MAP3K15: variants seen among roughly 807,000 people sequenced by gnomAD.
The protein encoded by MAP3K15 is MAPK/ERK kinase kinase 15.
Under a neutral mutation model 99.5 loss-of-function variants are expected in MAP3K15, and 124 were observed. The observed-to-expected ratio is 1.25, with a 90% CI of 1.08 to 1.45. The LOEUF is 1.45. Ranked by LOEUF, MAP3K15 falls within the 40% of genes most tolerant of loss-of-function variation. The pLI is 0.00. For missense variants in MAP3K15, 1,242 were observed against 1,079.7 expected (o/e 1.15, Z -2.11); for synonymous variants, 494 against 439.6 (o/e 1.12, Z -1.55).
At position 19,493,623 on chromosome X, in the gene MAP3K15, C is replaced by T. The variant is rs745707854; in HGVS notation, c.362-4656G>A. Among the ~76,000 whole-genome samples the T allele has an allele frequency of 7.2e-5, 8 of 111,839 alleles. No individual in the cohort carries two copies. In the South Asian group the frequency reaches 3.0e-3, roughly 41 times the overall value. On this transcript the variant is annotated intron_variant, in intron 1 of 28. Transcript: ENST00000338883. The stretch of plus-strand genomic sequence containing the variant: ...AAGGGCTTTATCCCTAAAGAGAGCA[C>T]CAGTTACCTAAAACCTTTCATCATC...
Position 19,431,464 on chromosome X carries a change from G to A in MAP3K15, c.1140C>T (p.Asp380=), listed in dbSNP as rs182063869. Reference sequence around the variant, plus strand: ...ACTCAATGGCGCTGTCGCGGCTGGTGTCATCTTTGCAGTCTGAATCCAAGA... The same window carrying A: ...ACTCAATGGCGCTGTCGCGGCTGGTATCATCTTTGCAGTCTGAATCCAAGA... ...DIFLDSDCKD[D]TSRDSAIEWY... Residue 380 remains aspartate, a synonymous_variant, in exon 7 of 29, where the codon GAC becomes GAT. Coordinates refer to ENST00000338883, the MANE Select transcript of MAP3K15 (RefSeq NM_001001671.4). 5.0e-6 allele frequency: 6 copies of A among 1,198,459 alleles called. No homozygotes were observed. In the East Asian group the frequency reaches 1.8e-4, roughly 36 times the overall value.
chrX:19,467,518 C>T (rs1252551657), intron 3 of MAP3K15, among the ~76,000 whole-genome samples: 6 of 110,857 alleles, frequency 5.4e-5, no homozygotes, highest in Non-Finnish European at 1.1e-4. Flanking sequence ...CCTGTAATCC[C>T]AGCACTTTGG....
chrX:19,491,366 G>C (rs371155887), intron 1 of MAP3K15, among the ~76,000 whole-genome samples: 7 of 111,386 alleles, frequency 6.3e-5, no homozygotes, highest in African/African-American at 2.3e-4. Flanking sequence ...AGTGAACAGA[G>C]CACCCCCAGG....
chrX:19,411,183 CAA>C (rs1227589192), intron 11 of MAP3K15, among the ~76,000 whole-genome samples: 9 of 89,301 alleles, frequency 1.0e-4, no homozygotes, highest in Admixed American at 1.2e-4. Flanking sequence ...GACCCTGCCT[CAA>C]AAAAAAAAAA....
At chrX:19,364,472 T>C (rs1287870692) in intron 25 of MAP3K15, among the ~76,000 whole-genome samples, 1 of 111,041 alleles carries the variant, frequency 9.0e-6, no homozygotes, top group Non-Finnish European at 1.9e-5. Context: ...CTCAGTCCAT[T>C]CTCCTGGAGG....
At position 19,398,321 on chromosome X, in the gene MAP3K15, G is replaced by C; in HGVS notation, c.1971C>G (p.Val657=). The C allele has an allele frequency of 1.7e-6, 2 of 1,211,206 alleles. No individual in the cohort carries two copies. The highest frequency in any genetic ancestry group is 3.5e-5 in the South Asian group (2 of 56,979). The change falls in exon 15 of 29, where the codon GTC becomes GTG. Residue 657 remains valine, a synonymous_variant. Transcript: ENST00000338883. The part of the protein sequence containing the change: ...YDHDANGERV[V]LGKGTYGIVY... ...CAATCCCATACGTGCCTTTCCCCAA[G>C]ACAACTCTCTCACCATTTGCATCAT...
At chrX:19,373,496 C>T in intron 21 of MAP3K15, 40 bp downstream of exon 21, 1 of 1,160,770 alleles carries the variant, frequency 8.6e-7, no homozygotes, top group Non-Finnish European at 1.2e-6. Context: ...CTACCAGCAC[C>T]CTTTCGGGCC....
At chrX:19,436,264 C>T (rs1346945636) in intron 6 of MAP3K15, among the ~76,000 whole-genome samples, 4 of 111,351 alleles carry the variant, frequency 3.6e-5, no homozygotes, top group Non-Finnish European at 7.5e-5. Flanking sequence ...CTTTCTGCGT[C>T]AGTGGGTTGG....
rs1342455618 is a variant in MAP3K15 at position 19,515,458 on chromosome X, A to T, written c.-197T>A. ...GGCAGTACCCCTAGGCTGCAGCCTG[A>T]CGCTCAGGCCCCAAGGCCCCCAGCG... On this transcript the variant is annotated 5_prime_UTR_variant, in exon 1 of 29. Coordinates refer to ENST00000338883, the MANE Select transcript of MAP3K15 (RefSeq NM_001001671.4). Among the ~76,000 whole-genome samples the T allele has an allele frequency of 9.0e-6, 1 of 111,417 alleles. No individual in the cohort carries two copies. Among genetic ancestry groups the T allele is most frequent in the Non-Finnish European group, 1.9e-5 (1 of 52,650 alleles).
At position 19,464,333 on chromosome X, in the gene MAP3K15, T is replaced by C. The variant is rs1166655329; in HGVS notation, c.599A>G (p.Asp200Gly). Residue 200 changes from aspartate (D) to glycine (G), a missense_variant, in exon 4 of 29, where the codon GAT becomes GGT. By Grantham distance (94) the Asp-to-Gly change is moderately conservative (BLOSUM62 -1). Transcript: ENST00000338883. ...PCADYFCCES[D>G]AQRRASEYMQ... ...GTACTCGGAGGCTCGTCTCTGGGCA[T>C]CACTCTCGCAGCAAAAATAATCAGC... 2.5e-6 allele frequency: 3 copies of C among 1,198,995 alleles called. No homozygotes were observed. Among genetic ancestry groups the C allele is most frequent in the Non-Finnish European group, 3.4e-6 (3 of 894,231 alleles).
intron 9 of MAP3K15, among the ~76,000 whole-genome samples, chrX:19,419,930 T>TG (rs757247200): frequency 1.3e-3 from 150 of 112,117 alleles, no homozygotes; most frequent in African/African-American, 4.7e-3. Context: ...AACCTACTCC[T>TG]GAATGACTAC....
intron 18 of MAP3K15, among the ~76,000 whole-genome samples, chrX:19,382,073 C>T (rs936817885): frequency 3.6e-5 from 4 of 110,409 alleles, no homozygotes; most frequent in Admixed American, 2.9e-4. Flanking sequence ...GGCGAAACCC[C>T]GTCTCTACTA....
chrX:19,423,003 G>A (rs1348330580), intron 9 of MAP3K15, among the ~76,000 whole-genome samples: 3 of 86,987 alleles, frequency 3.4e-5, no homozygotes, highest in Admixed American at 1.5e-4. Flanking sequence ...ACAGGAAGGG[G>A]AACACCACAC....
chrX:19,509,193 G>C (rs1043267929), intron 1 of MAP3K15, among the ~76,000 whole-genome samples: 3 of 111,597 alleles, frequency 2.7e-5, no homozygotes, highest in Admixed American at 9.6e-5. Context: ...CACAGGAAGT[G>C]CTTAAATTTC....
At chrX:19,387,869 G>T (rs781722592) in intron 18 of MAP3K15, among the ~76,000 whole-genome samples, 14 of 112,758 alleles carry the variant, frequency 1.2e-4, no homozygotes, top group Non-Finnish European at 1.9e-4. Context: ...GGAGGAGGGG[G>T]CTGTCAGCCA....
intron 13 of MAP3K15, among the ~76,000 whole-genome samples, chrX:19,400,867 T>C (rs2063603164): frequency 8.9e-6 from 1 of 111,898 alleles, no homozygotes; most frequent in African/African-American, 3.3e-5. Context: ...GAATCCCCTC[T>C]GTATAGTATC....
chrX:19,442,682 C>T lies in MAP3K15; in HGVS notation c.996-11074G>A, dbSNP rs145464726. Among the ~76,000 whole-genome samples the T allele has an allele frequency of 3.9e-3, 407 of 104,780 alleles. 3 individuals carry two copies. The highest frequency in any genetic ancestry group is 0.013 in the African/African-American group (359 of 28,535). The allele number at this position is 104,780 out of a possible 115,157, so 91.0% of individuals were successfully genotyped here. On this transcript the variant is annotated intron_variant, in intron 6 of 28. Coordinates refer to ENST00000338883, the MANE Select transcript of MAP3K15 (RefSeq NM_001001671.4). ...GGGACTACAGGCATGTATTACCATGCCTGGCTTTTATTTTATTATTATTAT... is the reference window on the plus strand; with the variant it reads ...GGGACTACAGGCATGTATTACCATGTCTGGCTTTTATTTTATTATTATTAT...
intron 10 of MAP3K15, among the ~76,000 whole-genome samples, chrX:19,414,080 G>C (rs1413718021): frequency 9.5e-6 from 1 of 104,928 alleles, no homozygotes; most frequent in East Asian, 3.1e-4. Flanking sequence ...AGAATCACTT[G>C]AACCCAGGAG....
chrX:19,388,107 G>A (rs1043379391), intron 18 of MAP3K15, among the ~76,000 whole-genome samples: 2 of 112,756 alleles, frequency 1.8e-5, no homozygotes, highest in African/African-American at 6.4e-5. Flanking sequence ...GGAGACGGGA[G>A]AGGGGTCTGA....
Sources: allele counts gnomAD v4.1 joint callset (sites outside exome capture counted in the v4.1 genomes callset), GRCh38; gene constraint gnomAD v4.1.1; transcripts MANE v1.5; gene names NCBI Gene and HGNC (gene_info 2026-07-23, HGNC 2026-07-21).